Variants in DST observed in about 807,000 individuals in gnomAD.
DST encodes the protein bullous pemphigoid antigen.
Under a neutral mutation model 875.2 loss-of-function variants are expected in DST, and 253 were observed. That is an observed-to-expected ratio of 0.29 (90% CI 0.26 to 0.32). The LOEUF (loss-of-function observed/expected upper bound fraction) is 0.32, where lower values mean the gene tolerates loss of function less well. DST is among the 10% of genes least tolerant of loss of function. The pLI is 1.00. For synonymous variants in DST, 3,124 were observed against 3,197.1 expected, an observed-to-expected ratio of 0.98 and a Z score of 0.77; for missense variants, 8,287 against 9,111.6, an observed-to-expected ratio of 0.91 and a Z score of 3.68.
chr6:56,562,331 G>A (rs2097548918), intron 55 of DST, 131 bp from the exon 56 acceptor site: 3 of 503,098 alleles, frequency 6.0e-6, no homozygotes, highest in Non-Finnish European at 1.0e-5. Flanking sequence ...AAAATCAAAT[G>A]AAGGTCCAAA....
chr6:56,511,063 C>A, intron 73 of DST, 134 bp downstream of exon 73: 4 of 742,874 alleles, frequency 5.4e-6, no homozygotes, highest in Non-Finnish European at 6.5e-6. Flanking sequence ...CTCTGAGGGA[C>A]ACAGACATCA....
At chr6:56,633,641 C>T (rs1409121726) in intron 27 of DST, among the ~76,000 whole-genome samples, 1 of 152,054 alleles carries the variant, frequency 6.6e-6, no homozygotes, top group Admixed American at 6.6e-5. Context: ...GCTAAGATTA[C>T]AGGCATGCAC....
At chr6:56,930,754 G>A (rs1345978756) in intron 2 of DST, among the ~76,000 whole-genome samples, 2 of 152,108 alleles carry the variant, frequency 1.3e-5, no homozygotes, top group Non-Finnish European at 2.9e-5. Context: ...ATTTATATAA[G>A]AAAGATATGA....
chr6:56,857,066 C>T (rs540149735), intron 3 of DST, among the ~76,000 whole-genome samples: 1 of 150,990 alleles, frequency 6.6e-6, no homozygotes, highest in Non-Finnish European at 1.5e-5. Flanking sequence ...GGCTGGAGTG[C>T]AGAGACATGA....
Position 56,572,809 on chromosome 6 carries a change from G to C in DST, c.13492C>G (p.Gln4498Glu), listed in dbSNP as rs1202535485. The change falls in exon 52 of 104, where the codon CAG (glutamine) becomes GAG (glutamate). Residue 4498 changes from glutamine to glutamate, a missense_variant. Physicochemically the swap from Gln to Glu is conservative, Grantham distance 29. Coordinates refer to ENST00000680361, the MANE Select transcript of DST (RefSeq NM_001374736.1). ...GGCACATCTACTTCAGTAAGAGCCTGAGTTTTTGTTTCTAAAAATGTCTGG... is the reference window on the plus strand; with the variant it reads ...GGCACATCTACTTCAGTAAGAGCCTCAGTTTTTGTTTCTAAAAATGTCTGG... ...KLQTFLETKTQALTEVDVPGK... is the reference protein window; with the variant it reads ...KLQTFLETKTEALTEVDVPGK... 1 of 1,610,896 alleles carries C rather than the reference G, an allele frequency of 6.2e-7. No individual in the cohort carries two copies. The highest frequency in any genetic ancestry group is 2.2e-5 in the East Asian group (1 of 44,812).
intron 50 of DST, among the ~76,000 whole-genome samples, chr6:56,577,789 CA>C (rs1393232425): frequency 6.6e-6 from 1 of 151,934 alleles, no homozygotes; most frequent in Non-Finnish European, 1.5e-5. Context: ...GCAGTGAAAA[CA>C]AAAAATACAT....
At chr6:56,628,670 T>C (rs575858263) in intron 32 of DST, among the ~76,000 whole-genome samples, 1 of 152,232 alleles carries the variant, frequency 6.6e-6, no homozygotes, top group Non-Finnish European at 1.5e-5. Flanking sequence ...TATTTGAACA[T>C]AATTTTACTT....
In DST at chr6:56,555,983, G is replaced by C. The variant is rs981162910; in HGVS notation, c.14641-143C>G. On this transcript the variant is annotated intron_variant, in intron 59 of 103. Coordinates refer to ENST00000680361, the MANE Select transcript of DST (RefSeq NM_001374736.1). ...ATCACTTTCCTACTTTTTACTTAAAGGGCAGTACAATTCTCTTAAATCCGA... is the reference window on the plus strand; with the variant it reads ...ATCACTTTCCTACTTTTTACTTAAACGGCAGTACAATTCTCTTAAATCCGA... The C allele has an allele frequency of 3.6e-6, 3 of 824,546 alleles. No individual in the cohort carries two copies. In the African/African-American group the frequency reaches 5.2e-5, roughly 14 times the overall value. 51.1% of individuals were successfully genotyped at this position (824,546 alleles called of 1,614,324 possible). A position where few individuals can be genotyped will look rare whatever the true frequency, so the allele number is the denominator to read the frequency against.
chr6:56,535,627 T>C (rs1382713759), intron 62 of DST, among the ~76,000 whole-genome samples: 1 of 152,262 alleles, frequency 6.6e-6, no homozygotes, highest in Non-Finnish European at 1.5e-5. Flanking sequence ...TAGTCATTTT[T>C]ATCAATATTG....
intron 5 of DST, among the ~76,000 whole-genome samples, chr6:56,710,940 GTTA>G (rs2099360782): frequency 6.6e-6 from 1 of 151,778 alleles, no homozygotes; most frequent in African/African-American, 2.4e-5. Context: ...TCTCCTTTAG[GTTA>G]TTTTTAAACT....
In DST at chr6:56,508,578, T is replaced by A; in HGVS notation, c.19190A>T (p.Asp6397Val). 4 of 1,613,872 alleles carry A rather than the reference T, an allele frequency of 2.5e-6. No individual in the cohort carries two copies. Among genetic ancestry groups the A allele is most frequent in the Non-Finnish European group, 3.4e-6 (4 of 1,179,784 alleles). Residue 6397 changes from aspartate to valine, a missense_variant, in exon 75 of 104, where the codon GAT becomes GTT. Asp to Val is a radical substitution (Grantham distance 152). Transcript: ENST00000680361. ...TACTACTGAAGGATCAATTCCAGGA[T>A]CTTCCAGGTCCCGGATGAAATCTTG... ...DTQDFIRDLEDPGIDPSVVKQ... is the reference protein window; with the variant it reads ...DTQDFIRDLEVPGIDPSVVKQ...
At chr6:56,681,025 T>G (rs562109495) in intron 9 of DST, among the ~76,000 whole-genome samples, 3 of 152,274 alleles carry the variant, frequency 2.0e-5, no homozygotes, top group African/African-American at 7.2e-5. Flanking sequence ...TCACCCAAAT[T>G]ACTAATAGGT....
Position 56,553,173 on chromosome 6 carries a change from T to G in DST, c.15619A>C (p.Lys5207Gln). ...ATTTCCTTCTGCAGAGACTTTAACT[T>G]GGCAATAGAATTCTCTCCTTCAGCA... Reference protein sequence around the residue: ...DPAEGENSIAKLKSLQKEMDQ... With the variant: ...DPAEGENSIAQLKSLQKEMDQ... The change falls in exon 61 of 104, where the codon AAG (lysine) becomes CAG (glutamine). Residue 5207 changes from lysine to glutamine, a missense_variant. This residue lies in a region of DST where 1,513 missense variants were observed against 1,677.8 expected (regional missense o/e 0.90). Transcript: ENST00000680361. 1 of 1,614,008 alleles carries G rather than the reference T, an allele frequency of 6.2e-7. No individual in the cohort carries two copies. The highest frequency in any genetic ancestry group is 2.2e-5 in the East Asian group (1 of 44,884).
chr6:56,712,069 C>T (rs1275545032), intron 5 of DST, among the ~76,000 whole-genome samples: 14 of 115,582 alleles, frequency 1.2e-4, no homozygotes, highest in African/African-American at 3.1e-4. Context: ...CCAGCCTGGG[C>T]GACAGAGCGA....
rs9396228 is a variant in DST, at chr6:56,617,906, A to C, written c.4930-3422T>G. On this transcript the variant is annotated intron_variant, in intron 36 of 103. Transcript: ENST00000680361. ...AATCACATTCAAAATTGTTTTAAAA[A>C]TTTAGTCTAGGAGAGAAAGGAAACA... The C allele has an allele frequency of 0.34, 435,415 of 1,263,720 alleles. 77,686 individuals are homozygous for C. Among genetic ancestry groups the C allele is most frequent in the Middle Eastern group, 0.39 (2,122 of 5,388 alleles). 78.3% of individuals were successfully genotyped at this position (1,263,720 alleles called of 1,614,324 possible). A position where few individuals can be genotyped will look rare whatever the true frequency, so the allele number is the denominator to read the frequency against.
At chr6:56,577,065 T>TTTTAACATTC (rs1265735849) in intron 50 of DST, among the ~76,000 whole-genome samples, 4 of 152,204 alleles carry the variant, frequency 2.6e-5, no homozygotes, top group African/African-American at 9.6e-5. Flanking sequence ...AATGTTATTT[T>TTTTAACATTC]TTTAAATCAT....
chr6:56,520,027 AC>A (rs1207589802), intron 69 of DST, among the ~76,000 whole-genome samples: 2 of 152,196 alleles, frequency 1.3e-5, no homozygotes, highest in Non-Finnish European at 1.5e-5. Context: ...ACAACACAGA[AC>A]ATCTCAGCAA....
intron 4 of DST, among the ~76,000 whole-genome samples, chr6:56,847,718 TC>T (rs1562159898): frequency 2.0e-5 from 3 of 152,206 alleles, no homozygotes; most frequent in Admixed American, 2.0e-4. Flanking sequence ...GCCTCCCTTC[TC>T]CCCTCAGGTT....
intron 4 of DST, among the ~76,000 whole-genome samples, chr6:56,746,475 T>A (rs1431356450): frequency 6.6e-6 from 1 of 152,302 alleles, no homozygotes; most frequent in South Asian, 2.1e-4. Flanking sequence ...AATGAATGAA[T>A]TATAGTTCAC....
Sources: gnomAD v4.1 joint callset for allele counts (sites outside exome capture counted in the v4.1 genomes callset) on GRCh38, gnomAD v4.1.1 for gene constraint, gnomAD v4.1.1 regional missense constraint, MANE v1.5 for transcripts, NCBI Gene and HGNC (gene_info 2026-07-23, HGNC 2026-07-21) for gene names.